Variants in PDE8B observed in about 807,000 individuals in gnomAD.
The protein encoded by PDE8B is high affinity cAMP-specific and IBMX-insensitive 3',5'-cyclic phosphodiesterase 8B.
Under a neutral mutation model 101.3 loss-of-function variants are expected in PDE8B, and 26 were observed. That is an observed-to-expected ratio of 0.26 (90% CI 0.19 to 0.36). The LOEUF is 0.36. Ranked by LOEUF, PDE8B falls within the 10% of genes least tolerant of loss-of-function variation. The probability of loss-of-function intolerance (pLI) is 1.00; values close to 1 mark genes in which losing one functional copy is unlikely to be tolerated. For missense variants in PDE8B, 810 were observed against 1,163.1 expected (o/e 0.70, Z 4.42); for synonymous variants, 424 against 429.3 (o/e 0.99, Z 0.15).
intron 1 of PDE8B, among the ~76,000 whole-genome samples, chr5:77,287,126 A>G (rs538842100): frequency 1.7e-4 from 26 of 152,266 alleles, no homozygotes; most frequent in African/African-American, 6.0e-4. Context: ...GTGAGCTTCC[A>G]TCTGAGATCA....
chr5:77,097,589 C>G, the PDE8B span, among the ~76,000 whole-genome samples: 1 of 143,628 alleles, frequency 7.0e-6, no homozygotes, highest in Non-Finnish European at 1.5e-5. Context: ...AGGACAGTAT[C>G]TCATGTTTGC....
intron 20 of PDE8B, among the ~76,000 whole-genome samples, chr5:77,423,106 G>T (rs1797039091): frequency 6.6e-6 from 1 of 152,198 alleles, no homozygotes; most frequent in African/African-American, 2.4e-5. Flanking sequence ...GAAAGAACAT[G>T]TAGTATCTGG....
intron 1 of PDE8B, among the ~76,000 whole-genome samples, chr5:77,252,832 C>G (rs960001151): frequency 1.3e-5 from 2 of 152,054 alleles, no homozygotes; most frequent in Non-Finnish European, 2.9e-5. Context: ...CAATATTTTC[C>G]ATTAATTTTT....
intron 1 of PDE8B, among the ~76,000 whole-genome samples, chr5:77,232,610 AC>A (rs751049026): frequency 1.3e-5 from 2 of 152,334 alleles, no homozygotes; most frequent in African/African-American, 4.8e-5. Flanking sequence ...AGTGAAATAT[AC>A]CAACTTGAAA....
At chr5:77,114,109 C>A in the PDE8B span, 7 of 152,138 alleles carry the variant, frequency 4.6e-5, no homozygotes, top group African/African-American at 1.7e-4. Flanking sequence ...GTGGTGATTC[C>A]TTAAGGATCT....
At chr5:77,324,101 C>T (rs189111935) in intron 2 of PDE8B, among the ~76,000 whole-genome samples, 9 of 152,302 alleles carry the variant, frequency 5.9e-5, no homozygotes, top group Middle Eastern at 3.4e-3. Flanking sequence ...AAAAGCTCTT[C>T]ATGTTGAGAA....
At chr5:77,279,947 T>G (rs1275410842) in intron 1 of PDE8B, among the ~76,000 whole-genome samples, 1 of 152,220 alleles carries the variant, frequency 6.6e-6, no homozygotes, top group Non-Finnish European at 1.5e-5. Context: ...GACAGTCATC[T>G]TCTTTTCATT....
intron 11 of PDE8B, among the ~76,000 whole-genome samples, chr5:77,400,515 C>A (rs187906615): frequency 4.1e-4 from 62 of 152,300 alleles, no homozygotes; most frequent in Admixed American, 3.8e-3. Flanking sequence ...TGAACGCCCT[C>A]CCCATCTTGT....
At chr5:77,088,581 G>T in the PDE8B span, 1 of 151,618 alleles carries the variant, frequency 6.6e-6, no homozygotes, top group African/African-American at 2.4e-5. Flanking sequence ...TGGAAAGGGG[G>T]TGGAGTAGGG....
the PDE8B span, among the ~76,000 whole-genome samples, chr5:77,111,741 A>G: frequency 1.0e-3 from 158 of 152,330 alleles, no homozygotes; most frequent in African/African-American, 3.6e-3. Flanking sequence ...AAACTATTCA[A>G]TGGTGAAAGG....
chr5:77,131,170 A>G, the PDE8B span: 2 of 152,264 alleles, frequency 1.3e-5, no homozygotes, highest in African/African-American at 4.8e-5. Context: ...ATCTGGAGAA[A>G]GGAGACCTCT....
chr5:77,171,154 A>T, the PDE8B span, among the ~76,000 whole-genome samples: 1 of 152,242 alleles, frequency 6.6e-6, no homozygotes, highest in African/African-American at 2.4e-5. Flanking sequence ...ATTCATTTGC[A>T]TAGGCCTTGT....
At chr5:77,135,859 C>T in the PDE8B span, among the ~76,000 whole-genome samples, 1 of 151,984 alleles carries the variant, frequency 6.6e-6, no homozygotes, top group South Asian at 2.1e-4. Context: ...CGGTCCCTCA[C>T]CCACACCTCA....
At chr5:77,332,676 AAAAATAC>A (rs2150303182) in intron 5 of PDE8B, among the ~76,000 whole-genome samples, 2 of 152,252 alleles carry the variant, frequency 1.3e-5, no homozygotes, top group East Asian at 3.9e-4. Context: ...TGCCCCTACT[AAAAATAC>A]AAAATTAGCT....
Position 77,411,938 on chromosome 5 carries a change from T to C in PDE8B, c.1577-162T>C, listed in dbSNP as rs540184695. ...CAAATCTCTATACATTTAAACAGAGTTAAAGTGAATTATTTTTCTATTTGA... is the reference window on the plus strand; with the variant it reads ...CAAATCTCTATACATTTAAACAGAGCTAAAGTGAATTATTTTTCTATTTGA... On this transcript the variant is annotated intron_variant, in intron 15 of 21. Coordinates refer to ENST00000264917, the MANE Select transcript of PDE8B (RefSeq NM_003719.5). 2.0e-5 allele frequency among the ~76,000 whole-genome samples: 3 copies of C among 152,312 alleles called. No individual in the cohort carries two copies. In the East Asian group the frequency reaches 5.8e-4, roughly 29 times the overall value.
Position 77,233,425 on chromosome 5 carries a change from A to G in PDE8B, c.339+22161A>G, listed in dbSNP as rs563798929. On this transcript the variant is annotated intron_variant, in intron 1 of 21. Transcript: ENST00000264917. ...GTGGTTAAAGGGCCCTCAAGGAGAG[A>G]AAACCTGCTCTTTTGTTTATTGAGG... Among the ~76,000 whole-genome samples the G allele has an allele frequency of 1.2e-4, 19 of 152,242 alleles. No homozygotes were observed. In the East Asian group the frequency reaches 3.3e-3, roughly 26 times the overall value.
At chr5:77,246,359 T>C (rs1756946614) in intron 1 of PDE8B, among the ~76,000 whole-genome samples, 1 of 152,184 alleles carries the variant, frequency 6.6e-6, no homozygotes, top group Admixed American at 6.5e-5. Flanking sequence ...TCCTCCGCCA[T>C]CTGAGGTCAG....
chr5:77,336,333 A>C (rs751491117), intron 5 of PDE8B, among the ~76,000 whole-genome samples: 11 of 152,222 alleles, frequency 7.2e-5, no homozygotes, highest in Non-Finnish European at 1.6e-4. Context: ...ACAAACAAGC[A>C]AAAAGCCATT....
At chr5:77,174,866 C>G in the PDE8B span, among the ~76,000 whole-genome samples, 1 of 152,120 alleles carries the variant, frequency 6.6e-6, no homozygotes, top group African/African-American at 2.4e-5. Flanking sequence ...TAGCCCTGAC[C>G]TGTCTACTGA....
Sources: gnomAD v4.1 joint callset for allele counts (sites outside exome capture counted in the v4.1 genomes callset) on GRCh38, gnomAD v4.1.1 for gene constraint, MANE v1.5 for transcripts, NCBI Gene and HGNC (gene_info 2026-07-23, HGNC 2026-07-21) for gene names.